The following RCC1 variants were observed in gnomAD, a reference collection of about 807,000 sequenced individuals.
RCC1 encodes regulator of chromosome condensation.
Under a neutral mutation model 44.4 loss-of-function variants are expected in RCC1, and 11 were observed. That is an observed-to-expected ratio of 0.25 (90% CI 0.16 to 0.41). The LOEUF (loss-of-function observed/expected upper bound fraction) is 0.41, where lower values mean the gene tolerates loss of function less well. Ranked by LOEUF, RCC1 falls within the 10% of genes least tolerant of loss-of-function variation. The probability of loss-of-function intolerance (pLI) is 1.00; values close to 1 mark genes in which losing one functional copy is unlikely to be tolerated. For synonymous variants in RCC1, 213 were observed against 216.5 expected, an observed-to-expected ratio of 0.98 and a Z score of 0.14; for missense variants, 386 against 547.1, an observed-to-expected ratio of 0.71 and a Z score of 2.94.
rs757284293 is a variant in RCC1, at chr1:28,536,713, C to G, written c.938-34C>G. ...ACCCATTTTGCCTGTAGCACGCCCTCTGCTATTGCTCATCTCTCTCCCTCC... is the reference window on the plus strand; with the variant it reads ...ACCCATTTTGCCTGTAGCACGCCCTGTGCTATTGCTCATCTCTCTCCCTCC... On this transcript the variant is annotated intron_variant, in intron 11 of 12. Transcript: ENST00000683442. This position sits in a 1 kb window ranked among gnomAD's most constrained non-coding sequence, Gnocchi z 4.9. 1 of 1,609,672 alleles carries G rather than the reference C, an allele frequency of 6.2e-7. No individual in the cohort carries two copies. The highest frequency in any genetic ancestry group is 1.1e-5 in the South Asian group (1 of 90,672).
At chr1:28,514,013 A>T (rs1662715488) in intron 3 of RCC1, among the ~76,000 whole-genome samples, 2 of 152,060 alleles carry the variant, frequency 1.3e-5, no homozygotes, top group African/African-American at 2.4e-5. Context: ...ATACAAAAAA[A>T]AAAAAATTAG....
At chr1:28,515,666 G>C (rs1254854069) in intron 3 of RCC1, among the ~76,000 whole-genome samples, 2 of 151,934 alleles carry the variant, frequency 1.3e-5, no homozygotes, top group African/African-American at 4.8e-5. Flanking sequence ...GCAGTGAGCC[G>C]AGATTGCACC....
Position 28,529,879 on chromosome 1 carries a change from C to A in RCC1, c.13C>A (p.Arg5Ser). 4 of 1,613,924 alleles carry A rather than the reference C, an allele frequency of 2.5e-6. No individual in the cohort carries two copies. Among genetic ancestry groups the A allele is most frequent in the Non-Finnish European group, 3.4e-6 (4 of 1,179,926 alleles). Residue 5 changes from arginine to serine, a missense_variant, in exon 5 of 13, where the codon CGC (arginine) becomes AGC (serine). Arg to Ser is a moderately radical substitution (Grantham distance 110, BLOSUM62 -1). Transcript: ENST00000683442. ...TCAGGACAGGAAGATGTCACCCAAG[C>A]GCATAGCTAAAAGAAGGTCCCCCCC... The part of the protein sequence containing the change: MSPK[R>S]IAKRRSPPAD...
At chr1:28,507,344 A>G (rs914540914) in intron 1 of RCC1, 6 of 517,400 alleles carry the variant, frequency 1.2e-5, no homozygotes, top group African/African-American at 3.9e-5. Context: ...GATTCTGTAA[A>G]TTTATGCGTT....
At chr1:28,535,818 AGAAGCCATGT>A in intron 9 of RCC1, 43 bp from the exon 10 acceptor site, 1 of 1,574,136 alleles carries the variant, frequency 6.4e-7, no homozygotes, top group Non-Finnish European at 8.7e-7. Context: ...CGGGGCAGAG[AGAAGCCATGT>A]GTGTCTGTCT....
chr1:28,535,226 G>A lies in RCC1; in HGVS notation c.539-32G>A, dbSNP rs200976400. On this transcript the variant is annotated intron_variant, in intron 8 of 12. Coordinates refer to ENST00000683442, the MANE Select transcript of RCC1 (RefSeq NM_001381865.2). The stretch of plus-strand genomic sequence containing the variant: ...TGGCCTAGCCTTGGGCCTTACAGTT[G>A]TGGCCTGCATCCCTTACCTTTTCAT... 2.1e-5 allele frequency: 34 copies of A among 1,614,178 alleles called. No homozygotes were observed. In the African/African-American group the frequency reaches 4.3e-4, roughly 20 times the overall value.
At position 28,532,876 on chromosome 1, in the gene RCC1, C is replaced by T. The variant is rs1364049136; in HGVS notation, c.441+526C>T. 2.0e-5 allele frequency: 7 copies of T among 347,004 alleles called. No homozygotes were observed. In the East Asian group the frequency reaches 3.0e-4, roughly 15 times the overall value. 21.5% of individuals were successfully genotyped at this position (347,004 alleles called of 1,614,324 possible). The stretch of plus-strand genomic sequence containing the variant: ...TGTTGCCCAGGCTGGAGTGCAATAG[C>T]GCAATCTTGGCTCACTGCAACCTCT... On this transcript the variant is annotated intron_variant, in intron 7 of 12. Transcript: ENST00000683442.
intron 12 of RCC1, 109 bp from the exon 13 acceptor site, chr1:28,537,723 C>T: frequency 4.5e-6 from 5 of 1,106,368 alleles, no homozygotes; most frequent in East Asian, 2.6e-5. Context: ...CCTTGCCAAG[C>T]TGCTATTGGC....
At chr1:28,532,576 A>G (rs1664247027) in intron 7 of RCC1, 2 of 548,840 alleles carry the variant, frequency 3.6e-6, no homozygotes, top group African/African-American at 3.8e-5. Flanking sequence ...TGTCCTGGGA[A>G]GTGAGTGGGT....
intron 12 of RCC1, among the ~76,000 whole-genome samples, chr1:28,537,326 T>C (rs904889666): frequency 6.6e-6 from 1 of 152,112 alleles, no homozygotes; most frequent in African/African-American, 2.4e-5. Context: ...GTAGCAACTA[T>C]AGCAGAGGAG....
intron 4 of RCC1, among the ~76,000 whole-genome samples, chr1:28,529,089 G>A (rs1472741007): frequency 6.9e-6 from 1 of 145,614 alleles, no homozygotes; most frequent in Non-Finnish European, 1.5e-5. Context: ...TGGCCAGGCT[G>A]GTCTCGAACT....
chr1:28,536,274 C>G lies in RCC1; in HGVS notation c.830C>G (p.Thr277Arg). Reference protein sequence around the residue: ...SNYHQLGTPGTESCFIPQNLT... With the variant: ...SNYHQLGTPGRESCFIPQNLT... ...GCCTTTCCCCCAGGAACTCCGGGCA[C>G]AGAATCTTGCTTCATACCCCAGAAC... Residue 277 changes from threonine (T) to arginine (R), a missense_variant, in exon 11 of 13, where the codon ACA becomes AGA. Coordinates refer to ENST00000683442, the MANE Select transcript of RCC1 (RefSeq NM_001381865.2). This position sits in a 1 kb window ranked among gnomAD's most constrained non-coding sequence, Gnocchi z 4.9. 1 of 1,614,098 alleles carries G rather than the reference C, an allele frequency of 6.2e-7. No individual in the cohort carries two copies. The highest frequency in any genetic ancestry group is 8.5e-7 in the Non-Finnish European group (1 of 1,179,984).
chr1:28,511,071 TTCC>T (rs1245068433), intron 3 of RCC1, among the ~76,000 whole-genome samples: 1 of 152,112 alleles, frequency 6.6e-6, no homozygotes, highest in Admixed American at 6.6e-5. Context: ...TTTTTAGACT[TTCC>T]AAACAGGCAC....
chr1:28,536,992 G>A lies in RCC1; in HGVS notation c.1090+93G>A. The A allele has an allele frequency of 7.1e-7, 1 of 1,406,020 alleles. No homozygotes were observed. The highest frequency in any genetic ancestry group is 9.8e-7 in the Non-Finnish European group (1 of 1,016,500). The allele number at this position is 1,406,020 out of a possible 1,614,324, so 87.1% of individuals were successfully genotyped here. Reference sequence around the variant, plus strand: ...ATAGGCTGTGATGTCCACTCTCGGGGGAGCCGAGGTACAGAGAGCAGTGTT... The same window carrying A: ...ATAGGCTGTGATGTCCACTCTCGGGAGAGCCGAGGTACAGAGAGCAGTGTT... On this transcript the variant is annotated intron_variant, in intron 12 of 12. Coordinates refer to ENST00000683442, the MANE Select transcript of RCC1 (RefSeq NM_001381865.2). The surrounding 1 kb of genome is among the most constrained non-coding windows in gnomAD (Gnocchi z 4.9).
intron 3 of RCC1, among the ~76,000 whole-genome samples, chr1:28,515,081 C>T (rs1050336637): frequency 4.6e-5 from 7 of 152,182 alleles, no homozygotes. Context: ...AGTTCAAGAC[C>T]AGCCTGGCCA....
chr1:28,507,414 TGGC>T, intron 1 of RCC1: 1 of 519,088 alleles, frequency 1.9e-6, no homozygotes, highest in East Asian at 5.5e-5. Flanking sequence ...TCTGTCCAAG[TGGC>T]GTAGGGGAGC....
chr1:28,536,462 C>A lies in RCC1; in HGVS notation c.937+81C>A. Reference sequence around the variant, plus strand: ...CTAGCCAGATTCCTGAGACCATGGTCCTTGGAGCCTGGGTCTGTTCCATGG... The same window carrying A: ...CTAGCCAGATTCCTGAGACCATGGTACTTGGAGCCTGGGTCTGTTCCATGG... On this transcript the variant is annotated intron_variant, in intron 11 of 12. Transcript: ENST00000683442. The surrounding 1 kb of genome is among the most constrained non-coding windows in gnomAD (Gnocchi z 4.9). The A allele has an allele frequency of 6.6e-7, 1 of 1,526,586 alleles. No individual in the cohort carries two copies. Among genetic ancestry groups the A allele is most frequent in the Non-Finnish European group, 8.8e-7 (1 of 1,133,736 alleles). 94.6% of individuals were successfully genotyped at this position (1,526,586 alleles called of 1,614,324 possible).
At chr1:28,535,007 G>C in intron 7 of RCC1, 43 bp from the exon 8 acceptor site, 1 of 1,519,846 alleles carries the variant, frequency 6.6e-7, no homozygotes, top group Non-Finnish European at 9.1e-7. Flanking sequence ...CTGGCACGGG[G>C]CAGGCAGGAC....
At chr1:28,506,437 G>A (rs1661938304) in intron 1 of RCC1, 1 of 343,120 alleles carries the variant, frequency 2.9e-6, no homozygotes, top group Non-Finnish European at 5.7e-6. Flanking sequence ...CACCACCCTC[G>A]GCCTTCCAAA....
Sources: allele counts gnomAD v4.1 joint callset (sites outside exome capture counted in the v4.1 genomes callset), GRCh38; gene constraint gnomAD v4.1.1; non-coding constraint Gnocchi (gnomAD v3.1); transcripts MANE v1.5; gene names NCBI Gene and HGNC (gene_info 2026-07-23, HGNC 2026-07-21).